The following ATRNL1 variants were observed in gnomAD, a reference collection of about 807,000 sequenced individuals.
ATRNL1 encodes the protein attractin-like protein 1.
Under a neutral mutation model 182.7 loss-of-function variants are expected in ATRNL1, and 95 were observed. The ratio of observed to expected loss-of-function variants is 0.52; its 90% confidence interval spans 0.44 to 0.62. ATRNL1 has a LOEUF of 0.62. ATRNL1 is among the 20% of genes least tolerant of loss of function. ATRNL1 has a pLI of 0.00. For synonymous variants in ATRNL1, 576 were observed against 568.3 expected, an observed-to-expected ratio of 1.01 and a Z score of -0.19; for missense variants, 1,471 against 1,679.5, an observed-to-expected ratio of 0.88 and a Z score of 2.17.
intron 10 of ATRNL1, among the ~76,000 whole-genome samples, chr10:115,263,327 G>C (rs1449622484): frequency 6.6e-6 from 1 of 151,672 alleles, no homozygotes; most frequent in East Asian, 1.9e-4. Flanking sequence ...CATTAGGATG[G>C]CTATGATAAA....
At chr10:115,771,892 TG>T (rs1318692446) in intron 27 of ATRNL1, among the ~76,000 whole-genome samples, 2 of 152,178 alleles carry the variant, frequency 1.3e-5, no homozygotes, top group Non-Finnish European at 2.9e-5. Flanking sequence ...AGAACAATCT[TG>T]GGGGAAAAAT....
At chr10:115,803,710 CAT>C (rs1268642743) in intron 27 of ATRNL1, among the ~76,000 whole-genome samples, 2 of 151,808 alleles carry the variant, frequency 1.3e-5, no homozygotes, top group Non-Finnish European at 2.9e-5. Flanking sequence ...GCCATTTTTC[CAT>C]GTTTTTTTCT....
chr10:115,572,215 G>A (rs1020161386), intron 26 of ATRNL1, among the ~76,000 whole-genome samples: 9 of 152,070 alleles, frequency 5.9e-5, no homozygotes, highest in African/African-American at 1.7e-4. Context: ...CAGTAAAAAT[G>A]TTAAAAGAAA....
At chr10:115,158,314 T>C (rs925207463) in intron 5 of ATRNL1, among the ~76,000 whole-genome samples, 1 of 152,046 alleles carries the variant, frequency 6.6e-6, no homozygotes, top group Admixed American at 6.6e-5. Context: ...TACTTTTTCT[T>C]TGCAAGTTAC....
intron 27 of ATRNL1, among the ~76,000 whole-genome samples, chr10:115,815,756 G>A (rs1555088385): frequency 6.6e-6 from 1 of 152,090 alleles, no homozygotes; most frequent in Non-Finnish European, 1.5e-5. Flanking sequence ...AGTAGTGGGA[G>A]AAGCCTCTAG....
In ATRNL1 at chr10:115,948,054, G is replaced by T. The variant is rs1424760767; in HGVS notation, c.*3275G>T. On this transcript the variant is annotated 3_prime_UTR_variant, in exon 29 of 29. Transcript: ENST00000355044. ...AATTTTCATCCATCTTTTGGTCGTA[G>T]GTAAAGGTCAATCAGGTTTTTCAAA... 1 of 152,122 alleles carries T rather than the reference G, an allele frequency of 6.6e-6. No homozygotes were observed. Among genetic ancestry groups the T allele is most frequent in the African/African-American group, 2.4e-5 (1 of 41,396 alleles). 9.4% of individuals were successfully genotyped at this position (152,122 alleles called of 1,614,324 possible).
chr10:115,198,329 T>C (rs183963337), intron 8 of ATRNL1, among the ~76,000 whole-genome samples: 4 of 152,334 alleles, frequency 2.6e-5, no homozygotes, highest in African/African-American at 9.6e-5. Context: ...AAATGTCCAC[T>C]CATGTCCTTT....
chr10:115,353,130 A>G (rs782222682), intron 19 of ATRNL1, among the ~76,000 whole-genome samples: 8 of 152,144 alleles, frequency 5.3e-5, no homozygotes, highest in Admixed American at 2.6e-4. Flanking sequence ...TTGATTTTCT[A>G]TTTAAAATAT....
intron 26 of ATRNL1, among the ~76,000 whole-genome samples, chr10:115,681,505 C>T (rs1946045168): frequency 6.6e-6 from 1 of 152,094 alleles, no homozygotes. Flanking sequence ...TATTCAAACC[C>T]AAGCAGTCTG....
chr10:115,362,570 G>T (rs1164000344), intron 19 of ATRNL1, among the ~76,000 whole-genome samples: 1 of 150,620 alleles, frequency 6.6e-6, no homozygotes, highest in African/African-American at 2.4e-5. Flanking sequence ...TGCACATTGT[G>T]CAGGTTAGTT....
intron 1 of ATRNL1, among the ~76,000 whole-genome samples, chr10:115,102,434 G>GTA (rs1375481816): frequency 0.023 from 3,549 of 151,358 alleles, 132 homozygotes; most frequent in African/African-American, 0.08. Context: ...ATGTATATGT[G>GTA]TATATATATA....
chr10:115,111,846 A>G (rs1168988924), intron 1 of ATRNL1, among the ~76,000 whole-genome samples: 2 of 152,200 alleles, frequency 1.3e-5, no homozygotes, highest in Admixed American at 6.6e-5. Flanking sequence ...TTGTGTGGCC[A>G]TAATGGGCTA....
chr10:115,779,672 A>G (rs1949214853), intron 27 of ATRNL1, among the ~76,000 whole-genome samples: 1 of 152,206 alleles, frequency 6.6e-6, no homozygotes, highest in African/African-American at 2.4e-5. Flanking sequence ...CAACTTAATT[A>G]TTTGTGCCTA....
chr10:115,381,585 T>C (rs1554951127), intron 19 of ATRNL1, among the ~76,000 whole-genome samples: 1 of 151,826 alleles, frequency 6.6e-6, no homozygotes, highest in Non-Finnish European at 1.5e-5. Flanking sequence ...GTTTTTATTA[T>C]TTAATAGAAG....
At chr10:115,886,293 T>C (rs1951943300) in intron 28 of ATRNL1, among the ~76,000 whole-genome samples, 1 of 152,150 alleles carries the variant, frequency 6.6e-6, no homozygotes, top group African/African-American at 2.4e-5. Context: ...ATCAAGGCTC[T>C]CATAAAAATC....
At chr10:115,401,383 A>T (rs961042270) in intron 20 of ATRNL1, among the ~76,000 whole-genome samples, 1 of 152,122 alleles carries the variant, frequency 6.6e-6, no homozygotes, top group Admixed American at 6.6e-5. Context: ...AGAGCCAGTA[A>T]GGTAGAGAAG....
chr10:115,325,169 C>T (rs974740295), intron 18 of ATRNL1, among the ~76,000 whole-genome samples: 2 of 151,910 alleles, frequency 1.3e-5, no homozygotes, highest in Non-Finnish European at 2.9e-5. Flanking sequence ...TTTGTGTGTC[C>T]ATAAATGAGG....
intron 26 of ATRNL1, among the ~76,000 whole-genome samples, chr10:115,587,302 T>C (rs1855586181): frequency 6.6e-6 from 1 of 152,140 alleles, no homozygotes; most frequent in Non-Finnish European, 1.5e-5. Flanking sequence ...TGGAGCTCCC[T>C]GGCTGCTTTG....
In ATRNL1 at chr10:115,134,455, C is replaced by T. The variant is rs116279832; in HGVS notation, c.829+4920C>T. On this transcript the variant is annotated intron_variant, in intron 5 of 28. Transcript: ENST00000355044. ...AATCTAGAAGAAATGGATAATTTCT[C>T]GACACACACACCCTCCCAAGACTAA... Among the ~76,000 whole-genome samples the T allele has an allele frequency of 8.4e-3, 1,280 of 152,046 alleles. 13 individuals are homozygous for T. Among genetic ancestry groups the T allele is most frequent in the African/African-American group, 0.028 (1,164 of 41,516 alleles).
Sources: allele counts gnomAD v4.1 joint callset (sites outside exome capture counted in the v4.1 genomes callset), GRCh38; gene constraint gnomAD v4.1.1; transcripts MANE v1.5; gene names NCBI Gene and HGNC (gene_info 2026-07-23, HGNC 2026-07-21).